The following STAMBPL1 variants were observed in gnomAD, a reference collection of about 807,000 sequenced individuals.
The protein encoded by STAMBPL1 is AMSH-like protease.
Under a neutral mutation model 52.9 loss-of-function variants are expected in STAMBPL1, and 44 were observed. The observed-to-expected ratio is 0.83, with a 90% CI of 0.65 to 1.07. The LOEUF (loss-of-function observed/expected upper bound fraction) is 1.07. Ranked by LOEUF, STAMBPL1 falls within the 50% of genes least tolerant of loss-of-function variation. The pLI, the probability that STAMBPL1 is intolerant of heterozygous loss-of-function variation, is 0.00. For synonymous variants in STAMBPL1, 164 were observed against 177.3 expected (o/e 0.92, Z 0.60); for missense variants, 511 against 520.8 (o/e 0.98, Z 0.18).
chr10:88,919,991 C>T (rs1390463365), intron 8 of STAMBPL1, among the ~76,000 whole-genome samples: 3 of 151,988 alleles, frequency 2.0e-5, no homozygotes, highest in Non-Finnish European at 4.4e-5. Context: ...CACATGCCAC[C>T]ATGCCTAGCT....
chr10:88,897,181 G>A (rs1844832081), intron 1 of STAMBPL1, among the ~76,000 whole-genome samples: 1 of 152,178 alleles, frequency 6.6e-6, no homozygotes, highest in South Asian at 2.1e-4. Flanking sequence ...GCCACTTATG[G>A]ATGAGACAGC....
intron 8 of STAMBPL1, among the ~76,000 whole-genome samples, chr10:88,919,177 GT>G (rs1050507705): frequency 4.6e-5 from 7 of 152,102 alleles, no homozygotes; most frequent in Non-Finnish European, 7.4e-5. Flanking sequence ...GGTTTAACTA[GT>G]TTTATGAGCA....
Position 88,914,524 on chromosome 10 carries a change from T to A in STAMBPL1, c.779-10T>A. ...GTTTTTTAGCCTTTTCTCCCTTTTT[T>A]GTTTCTTAGATTTAGTGGTTGAAGG... On this transcript the variant is annotated splice_polypyrimidine_tract_variant and intron_variant, in intron 6 of 10. Coordinates refer to ENST00000371926, the MANE Select transcript of STAMBPL1 (RefSeq NM_020799.4). 2 of 1,482,332 alleles carry A rather than the reference T, an allele frequency of 1.3e-6. No individual in the cohort carries two copies. The highest frequency in any genetic ancestry group is 1.8e-6 in the Non-Finnish European group (2 of 1,114,506). 91.8% of individuals were successfully genotyped at this position (1,482,332 alleles called of 1,614,324 possible).
chr10:88,884,382 G>A (rs1020262602), intron 1 of STAMBPL1, among the ~76,000 whole-genome samples: 2 of 152,140 alleles, frequency 1.3e-5, no homozygotes, highest in Admixed American at 6.6e-5. Context: ...TTGATTTGAG[G>A]TGGTAGCCAA....
rs778766063 is a variant in STAMBPL1, at chr10:88,914,518, C to CT, written c.779-10dup. 1.4e-6 allele frequency: 2 copies of CT among 1,478,688 alleles called. No homozygotes were observed. The highest frequency in any genetic ancestry group is 1.5e-5 in the South Asian group (1 of 68,724). The allele number at this position is 1,478,688 out of a possible 1,614,324, so 91.6% of individuals were successfully genotyped here. On this transcript the variant is annotated splice_polypyrimidine_tract_variant and intron_variant, in intron 6 of 10. Coordinates refer to ENST00000371926, the MANE Select transcript of STAMBPL1 (RefSeq NM_020799.4). ...TAGTTTGTTTTTTAGCCTTTTCTCC[C>CT]TTTTTTGTTTCTTAGATTTAGTGGT... is the stretch of plus-strand genomic sequence containing the variant.
At chr10:88,917,318 C>T (rs1411329306) in intron 8 of STAMBPL1, among the ~76,000 whole-genome samples, 3 of 152,110 alleles carry the variant, frequency 2.0e-5, no homozygotes, top group African/African-American at 2.4e-5. Context: ...CCCTGACACC[C>T]CTCAGACAGG....
At position 88,922,369 on chromosome 10, in the gene STAMBPL1, T is replaced by C; in HGVS notation, c.1187T>C (p.Met396Thr). Residue 396 changes from methionine (M) to threonine (T), a missense_variant, in exon 10 of 11, where the codon ATG (methionine) becomes ACG (threonine). Met to Thr is a moderately conservative substitution (Grantham distance 81, BLOSUM62 -1). Around this residue, in one of 3 missense-constraint regions of STAMBPL1, gnomAD observed 137 missense variants for 139.9 expected, o/e 0.98. Coordinates refer to ENST00000371926, the MANE Select transcript of STAMBPL1 (RefSeq NM_020799.4). ...ATCTTCAGGCTCACCAATGCTGGCATGCTTGAGGTTTCTGCTTGTAAAAAA... is the reference window on the plus strand; with the variant it reads ...ATCTTCAGGCTCACCAATGCTGGCACGCTTGAGGTTTCTGCTTGTAAAAAA... ...TGIFRLTNAG[M>T]LEVSACKKKG... 1 of 1,613,502 alleles carries C rather than the reference T, an allele frequency of 6.2e-7. No homozygotes were observed. Among genetic ancestry groups the C allele is most frequent in the Non-Finnish European group, 8.5e-7 (1 of 1,179,674 alleles).
chr10:88,923,361 T>A lies in STAMBPL1; in HGVS notation c.*137T>A. 1 of 1,398,494 alleles carries A rather than the reference T, an allele frequency of 7.2e-7. No homozygotes were observed. 86.6% of individuals were successfully genotyped at this position (1,398,494 alleles called of 1,614,324 possible). The stretch of plus-strand genomic sequence containing the variant: ...TTAGATGACAAAGCTTGATATTTAT[T>A]GCTGTTGCACATTTTAAAGTTTTCT... On this transcript the variant is annotated 3_prime_UTR_variant, in exon 11 of 11. Coordinates refer to ENST00000371926, the MANE Select transcript of STAMBPL1 (RefSeq NM_020799.4).
rs1845139441 is a variant in STAMBPL1, at chr10:88,908,712, GA to G, written c.263del (p.Lys88SerfsTer20). The G allele has an allele frequency of 6.2e-7, 1 of 1,609,296 alleles. No homozygotes were observed. Among genetic ancestry groups the G allele is most frequent in the Non-Finnish European group, 8.5e-7 (1 of 1,178,384 alleles). ...LYNKFITLFVEKLPNHRDYQQ... is the reference protein window; with the variant it reads ...LYNKFITLFVXKLPNHRDYQQ... The stretch of plus-strand genomic sequence containing the variant: ...TTTTCTCTTCCTTAGCTTATTTGTA[GA>G]AAAGCTTCCTAACCATCGAGATTAC... On this transcript the variant is annotated frameshift_variant, in exon 4 of 11. Transcript: ENST00000371926. LOFTEE classifies it high-confidence loss of function.
In STAMBPL1 at chr10:88,908,832, A is replaced by G. The variant is rs916584373; in HGVS notation, c.324+55A>G. On this transcript the variant is annotated intron_variant, in intron 4 of 10. Coordinates refer to ENST00000371926, the MANE Select transcript of STAMBPL1 (RefSeq NM_020799.4). ...ATCAAATGCTCCATAAGTATCCATT[A>G]TTGATTCACCCTTCCCCTTCCTCCC... 24 of 1,389,174 alleles carry G rather than the reference A, an allele frequency of 1.7e-5. No homozygotes were observed. The African/African-American group carries it at 2.8e-4, about 16-fold the overall frequency. 86.1% of individuals were successfully genotyped at this position (1,389,174 alleles called of 1,614,324 possible).
At chr10:88,911,033 A>G in intron 5 of STAMBPL1, 22 bp downstream of exon 5, 1 of 1,419,240 alleles carries the variant, frequency 7.0e-7, no homozygotes, top group East Asian at 2.4e-5. Context: ...TGGTACATTT[A>G]TTTCATGACT....
chr10:88,886,370 T>A (rs867599234), intron 1 of STAMBPL1, among the ~76,000 whole-genome samples: 21 of 152,196 alleles, frequency 1.4e-4, no homozygotes, highest in African/African-American at 4.1e-4. Context: ...ATCTCACCCT[T>A]AAAAATATAC....
chr10:88,909,885 G>C (rs150389956), intron 4 of STAMBPL1, among the ~76,000 whole-genome samples: 3 of 152,252 alleles, frequency 2.0e-5, no homozygotes, highest in East Asian at 3.9e-4. Context: ...ACAGGTGTGA[G>C]CCACCGCACC....
At chr10:88,919,822 A>G (rs576170624) in intron 8 of STAMBPL1, among the ~76,000 whole-genome samples, 81 of 151,634 alleles carry the variant, frequency 5.3e-4, no homozygotes, top group Middle Eastern at 3.4e-3. Flanking sequence ...ATTAAAGCCG[A>G]AAAAAAACGT....
chr10:88,910,052 A>G (rs138152506), intron 4 of STAMBPL1, among the ~76,000 whole-genome samples: 291 of 152,298 alleles, frequency 1.9e-3, no homozygotes, highest in African/African-American at 6.6e-3. Context: ...CTCATGTACT[A>G]TAACTTAGGG....
chr10:88,902,101 C>T (rs951713774), intron 2 of STAMBPL1, among the ~76,000 whole-genome samples: 15 of 152,094 alleles, frequency 9.9e-5, no homozygotes, highest in East Asian at 5.8e-4. Flanking sequence ...CCTTGTATGG[C>T]GTTAACTGAG....
chr10:88,905,370 G>A, intron 2 of STAMBPL1, 73 bp from the exon 3 acceptor site: 4 of 1,169,432 alleles, frequency 3.4e-6, no homozygotes, highest in Middle Eastern at 1.9e-4. Flanking sequence ...AAGAACATAT[G>A]TCCATAATAT....
chr10:88,893,844 C>T (rs1844746281), intron 1 of STAMBPL1: 1 of 152,140 alleles, frequency 6.6e-6, no homozygotes, highest in South Asian at 2.1e-4. Flanking sequence ...TTCATTTCCA[C>T]AGTAAATTTT....
chr10:88,910,439 GC>G (rs1399363164), intron 4 of STAMBPL1, among the ~76,000 whole-genome samples: 2 of 152,134 alleles, frequency 1.3e-5, no homozygotes, highest in Non-Finnish European at 2.9e-5. Context: ...TCCAGATTAG[GC>G]TTGGGGGGGT....
Sources: gnomAD v4.1 joint callset for allele counts (sites outside exome capture counted in the v4.1 genomes callset) on GRCh38, gnomAD v4.1.1 for gene constraint, gnomAD v4.1.1 regional missense constraint, MANE v1.5 for transcripts, NCBI Gene and HGNC (gene_info 2026-07-23, HGNC 2026-07-21) for gene names.